Variants in SAFB observed in about 807,000 individuals in gnomAD.
SAFB encodes scaffold attachment factor B, also known as scaffold attachment factor B1.
Under a neutral mutation model 101.6 loss-of-function variants are expected in SAFB, and 15 were observed. That is an observed-to-expected ratio of 0.15 (90% CI 0.10 to 0.23). The LOEUF (loss-of-function observed/expected upper bound fraction) is 0.23, where lower values mean the gene tolerates loss of function less well. SAFB is among the 10% of genes least tolerant of loss of function. The probability of loss-of-function intolerance (pLI) is 1.00; values close to 1 mark genes in which losing one functional copy is unlikely to be tolerated. For synonymous variants in SAFB, 449 were observed against 407.5 expected, an observed-to-expected ratio of 1.10 and a Z score of -1.23; for missense variants, 930 against 1,104.1, an observed-to-expected ratio of 0.84 and a Z score of 2.23.
intron 2 of SAFB, among the ~76,000 whole-genome samples, chr19:5,633,088 A>G (rs141865222): frequency 1.3e-5 from 2 of 152,336 alleles, no homozygotes; most frequent in African/African-American, 4.8e-5. Context: ...CTCATCGTCC[A>G]TTAGTTTTAG....
At chr19:5,659,812 C>T (rs529523208) in intron 14 of SAFB, among the ~76,000 whole-genome samples, 1 of 152,184 alleles carries the variant, frequency 6.6e-6, no homozygotes. Flanking sequence ...AGGAGCCTGC[C>T]GTGCTAAACA....
intron 8 of SAFB, among the ~76,000 whole-genome samples, chr19:5,650,403 G>A (rs1338822257): frequency 6.6e-6 from 1 of 152,140 alleles, no homozygotes; most frequent in Non-Finnish European, 1.5e-5. Context: ...ACTTCCTCCT[G>A]TAATTAAGCG....
chr19:5,627,461 C>T (rs1186063360), intron 2 of SAFB, among the ~76,000 whole-genome samples: 2 of 152,208 alleles, frequency 1.3e-5, no homozygotes, highest in African/African-American at 4.8e-5. Flanking sequence ...AAAAGTAGGA[C>T]TGCCTGAGCC....
At position 5,668,183 on chromosome 19, in the gene SAFB, C is replaced by T. The variant is rs555050155; in HGVS notation, c.2646C>T (p.Gly882=). 2.9e-5 allele frequency: 47 copies of T among 1,604,130 alleles called. No homozygotes were observed. Among genetic ancestry groups the T allele is most frequent in the African/African-American group, 2.0e-4 (15 of 74,388 alleles). The change falls in exon 21 of 21, where the codon GGC becomes GGT. Residue 882 remains glycine, a synonymous_variant. Coordinates refer to ENST00000588852, the MANE Select transcript of SAFB (RefSeq NM_001201338.2). ...CTAGGCGCGGCAGCTTTGCCCCAGG[C>T]GGGGCCTCCCGGGGCCACCCCATCC... The part of the protein sequence containing the change: ...GMSGRGSFAP[G]GASRGHPIPH...
intron 17 of SAFB, 95 bp from the exon 18 acceptor site, chr19:5,666,951 T>A (rs2054339543): frequency 1.2e-6 from 1 of 816,510 alleles, no homozygotes; most frequent in East Asian, 2.4e-5. Flanking sequence ...CCCGAGTGAC[T>A]GTCGTTGTCA....
In SAFB at chr19:5,626,501, T is replaced by A; in HGVS notation, c.274+12T>A. The A allele has an allele frequency of 6.7e-7, 1 of 1,500,998 alleles. No homozygotes were observed. Among genetic ancestry groups the A allele is most frequent in the Non-Finnish European group, 9.3e-7 (1 of 1,080,298 alleles). The allele number at this position is 1,500,998 out of a possible 1,614,324, so 93.0% of individuals were successfully genotyped here. The stretch of plus-strand genomic sequence containing the variant: ...GAGGTCTAGCAAAGGTATGGAGGAT[T>A]TCATAAGCAAGTTTCATGTTAAGTG... On this transcript the variant is annotated intron_variant, in intron 2 of 20. Coordinates refer to ENST00000588852, the MANE Select transcript of SAFB (RefSeq NM_001201338.2).
chr19:5,665,703 T>G (rs2054313100), intron 17 of SAFB: 1 of 152,162 alleles, frequency 6.6e-6, no homozygotes, highest in South Asian at 2.1e-4. Flanking sequence ...TCCCTTCTCC[T>G]CACATACACA....
intron 2 of SAFB, among the ~76,000 whole-genome samples, chr19:5,636,089 G>A (rs565097669): frequency 2.6e-5 from 4 of 151,874 alleles, no homozygotes; most frequent in Non-Finnish European, 5.9e-5. Context: ...ATTTTACCTC[G>A]GGGGAGCTTT....
chr19:5,651,852 A>G (rs535643115), intron 9 of SAFB, among the ~76,000 whole-genome samples: 2 of 152,332 alleles, frequency 1.3e-5, no homozygotes, highest in East Asian at 3.9e-4. Context: ...ACACATTGCA[A>G]TATAGAAAAC....
chr19:5,657,195 G>A lies in SAFB; in HGVS notation c.1756-46G>A, dbSNP rs373302292. 160 of 1,447,560 alleles carry A rather than the reference G, an allele frequency of 1.1e-4. No homozygotes were observed. In the Admixed American group the frequency reaches 1.2e-3, roughly 11 times the overall value. 89.7% of individuals were successfully genotyped at this position (1,447,560 alleles called of 1,614,324 possible). A position where few individuals can be genotyped will look rare whatever the true frequency, so the allele number is the denominator to read the frequency against. ...GCTTGGATTACAGGCATAAGCCTCC[G>A]TGCCTGGCCTCTGCTTTAACTTTTT... On this transcript the variant is annotated intron_variant, in intron 13 of 20. Transcript: ENST00000588852.
At chr19:5,631,575 A>G (rs1491001587) in intron 2 of SAFB, among the ~76,000 whole-genome samples, 6 of 152,338 alleles carry the variant, frequency 3.9e-5, no homozygotes, top group Admixed American at 2.6e-4. Context: ...CAGAAAGCAT[A>G]TCTCATGTAA....
intron 8 of SAFB, 58 bp from the exon 9 acceptor site, chr19:5,650,920 C>G: frequency 1.8e-6 from 2 of 1,120,816 alleles, no homozygotes; most frequent in Non-Finnish European, 2.6e-6. Flanking sequence ...AAGGTTGTCT[C>G]TAAGACTCAA....
In SAFB at chr19:5,667,750, G is replaced by T. The variant is rs2054366382; in HGVS notation, c.2558-70G>T. The stretch of plus-strand genomic sequence containing the variant: ...GGGGCCTCACCAAAGGGAGTGGAGT[G>T]GGCTAAATGTGCCGTGGGTTCCACG... On this transcript the variant is annotated intron_variant, in intron 19 of 20. Transcript: ENST00000588852. This position sits in a 1 kb window ranked among gnomAD's most constrained non-coding sequence, Gnocchi z 4.0. The T allele has an allele frequency of 6.0e-6, 9 of 1,503,558 alleles. No homozygotes were observed. In the South Asian group the frequency reaches 1.0e-4, roughly 17 times the overall value. 93.1% of individuals were successfully genotyped at this position (1,503,558 alleles called of 1,614,324 possible). A position where few individuals can be genotyped will look rare whatever the true frequency, so the allele number is the denominator to read the frequency against.
At chr19:5,652,288 C>CA (rs1217601465) in intron 9 of SAFB, among the ~76,000 whole-genome samples, 2 of 152,172 alleles carry the variant, frequency 1.3e-5, no homozygotes, top group Non-Finnish European at 2.9e-5. Context: ...GTGTGGCTGG[C>CA]AACACCTGCG....
At chr19:5,648,360 C>A (rs920129724) in intron 6 of SAFB, 44 of 368,678 alleles carry the variant, frequency 1.2e-4, no homozygotes, top group Non-Finnish European at 1.9e-5. Context: ...GCTAATACCT[C>A]TGCACCCACA....
chr19:5,650,934 C>CTTGTGGGTATTTGGGTT, intron 8 of SAFB, 44 bp from the exon 9 acceptor site: 1 of 1,202,686 alleles, frequency 8.3e-7, no homozygotes, highest in Non-Finnish European at 1.2e-6. Context: ...GACTCAAGAT[C>CTTGTGGGTATTTGGGTT]TTGTGGGTAT....
In SAFB at chr19:5,657,249, A is replaced by C; in HGVS notation, c.1764A>C (p.Lys588Asn). 1 of 1,613,832 alleles carries C rather than the reference A, an allele frequency of 6.2e-7. No homozygotes were observed. Among genetic ancestry groups the C allele is most frequent in the Non-Finnish European group, 8.5e-7 (1 of 1,179,840 alleles). ...KTSGSKERAS[K>N]SQDRKSASRE... The stretch of plus-strand genomic sequence containing the variant: ...GTTCTTTGGTGAACTAGGCTTCCAA[A>C]AGCCAGGATCGCAAATCAGCCAGCA... The change falls in exon 14 of 21, where the codon AAA becomes AAC. Residue 588 changes from lysine (K) to asparagine (N), a missense_variant. By Grantham distance (94) the Lys-to-Asn change is moderately conservative. Coordinates refer to ENST00000588852, the MANE Select transcript of SAFB (RefSeq NM_001201338.2).
intron 15 of SAFB, 122 bp downstream of exon 15, chr19:5,661,930 G>C (rs1216826178): frequency 1.3e-6 from 1 of 767,836 alleles, no homozygotes; most frequent in African/African-American, 1.8e-5. Flanking sequence ...TGTCGCGGAG[G>C]CTGGAGTGCA....
intron 2 of SAFB, among the ~76,000 whole-genome samples, chr19:5,632,562 A>G (rs2053512453): frequency 2.0e-5 from 3 of 152,214 alleles, no homozygotes; most frequent in African/African-American, 4.8e-5. Context: ...AAAAATGTCC[A>G]GAGTCATGCA....
Sources: gnomAD v4.1 joint callset for allele counts (sites outside exome capture counted in the v4.1 genomes callset) on GRCh38, gnomAD v4.1.1 for gene constraint, Gnocchi (gnomAD v3.1) non-coding constraint, MANE v1.5 for transcripts, NCBI Gene and HGNC (gene_info 2026-07-23, HGNC 2026-07-21) for gene names.